C8orf34: variants seen among roughly 807,000 people sequenced by gnomAD.
C8orf34 encodes the protein uncharacterized protein C8orf34.
In C8orf34, 65 loss-of-function variants were observed where a neutral mutation model predicts 68.3. The ratio of observed to expected loss-of-function variants is 0.95; its 90% CI spans 0.78 to 1.17. The LOEUF (loss-of-function observed/expected upper bound fraction) is 1.17. Ranked by LOEUF, C8orf34 falls within the 50% of genes most tolerant of loss-of-function variation. The probability of loss-of-function intolerance (pLI) is 0.00; values close to 1 mark genes in which losing one functional copy is unlikely to be tolerated. For synonymous variants in C8orf34, 244 were observed against 241.2 expected (o/e 1.01, Z -0.11); for missense variants, 664 against 655.4 (o/e 1.01, Z -0.14).
chr8:68,611,226 G>A (rs548207749), intron 7 of C8orf34, among the ~76,000 whole-genome samples: 15 of 152,102 alleles, frequency 9.9e-5, no homozygotes, highest in East Asian at 3.9e-4. Flanking sequence ...TAGGGAAATC[G>A]TATGAGCAAA....
chr8:68,578,090 A>G (rs1173778715), intron 7 of C8orf34, among the ~76,000 whole-genome samples: 1 of 151,982 alleles, frequency 6.6e-6, no homozygotes, highest in African/African-American at 2.4e-5. Flanking sequence ...AAAATAAAGG[A>G]AGGAAGAAGG....
chr8:68,670,679 CTTGTGAAGAAGGCAT>C (rs1415433070), intron 8 of C8orf34, among the ~76,000 whole-genome samples: 1 of 152,160 alleles, frequency 6.6e-6, no homozygotes, highest in African/African-American at 2.4e-5. Flanking sequence ...TTCCCTCTCC[CTTGTGAAGAAGGCAT>C]TCAACCCTCA....
intron 11 of C8orf34, among the ~76,000 whole-genome samples, 196 bp from the exon 12 acceptor site, chr8:68,787,247 T>TA (rs1384003918): frequency 6.6e-6 from 1 of 152,168 alleles, no homozygotes; most frequent in Non-Finnish European, 1.5e-5. Context: ...AAGAAGAATG[T>TA]AAAAAATGAG....
intron 8 of C8orf34, among the ~76,000 whole-genome samples, chr8:68,670,852 G>A (rs992102375): frequency 7.2e-5 from 11 of 152,192 alleles, no homozygotes; most frequent in African/African-American, 2.6e-4. Context: ...CTTTCACCCT[G>A]CCCCTAAGGC....
At chr8:68,620,233 G>A (rs1269229387) in intron 7 of C8orf34, among the ~76,000 whole-genome samples, 1 of 152,164 alleles carries the variant, frequency 6.6e-6, no homozygotes, top group Non-Finnish European at 1.5e-5. Flanking sequence ...GGGACCTGGA[G>A]GATAACTGGA....
chr8:68,789,488 T>C lies in C8orf34; in HGVS notation c.1549+1952T>C, dbSNP rs547711794. Among the ~76,000 whole-genome samples the C allele has an allele frequency of 5.2e-4, 79 of 152,360 alleles. 1 individual carries two copies. The highest frequency in any genetic ancestry group is 1.9e-3 in the African/African-American group (78 of 41,590). On this transcript the variant is annotated intron_variant, in intron 12 of 13. Transcript: ENST00000518698. ...AAGAGTAGAAAACATAGCCTAATCA[T>C]GTAAAGGATATGCAAATCCCCAGAA...
Position 68,545,087 on chromosome 8 carries a change from T to C in C8orf34, c.1105+11938T>C, listed in dbSNP as rs561129680. Among the ~76,000 whole-genome samples the C allele has an allele frequency of 1.5e-4, 23 of 152,290 alleles. No homozygotes were observed. The East Asian group carries it at 4.4e-3, about 29-fold the overall frequency. ...TAGCCATATTGATATGGTTTGGCTG[T>C]GTCCCCAACCAAATCTCAACTTGAA... On this transcript the variant is annotated intron_variant, in intron 7 of 13. Transcript: ENST00000518698.
intron 1 of C8orf34, among the ~76,000 whole-genome samples, chr8:68,370,595 A>G (rs1204233286): frequency 1.3e-5 from 2 of 152,152 alleles, no homozygotes; most frequent in Non-Finnish European, 2.9e-5. Flanking sequence ...TGTGCACATG[A>G]TAAATTCACT....
At chr8:68,677,483 C>T (rs1820228119) in intron 8 of C8orf34, among the ~76,000 whole-genome samples, 1 of 152,056 alleles carries the variant, frequency 6.6e-6, no homozygotes, top group Admixed American at 6.6e-5. Context: ...CTCAGCTTTC[C>T]AAGTAACTGA....
chr8:68,777,138 T>C (rs556489014), intron 11 of C8orf34, among the ~76,000 whole-genome samples: 5 of 152,302 alleles, frequency 3.3e-5, no homozygotes, highest in Non-Finnish European at 7.3e-5. Flanking sequence ...AACAGTTTGG[T>C]GATGTTAAGA....
rs564273715 is a variant in C8orf34, at chr8:68,479,243, G to A, written c.737-8780G>A. On this transcript the variant is annotated intron_variant, in intron 4 of 13. Coordinates refer to ENST00000518698, the MANE Select transcript of C8orf34 (RefSeq NM_052958.4). ...GGAATGGACAGCAGTGAAGAGAGAT[G>A]AGGAGTAGAGAAAGGAGGAGTACGT... is the stretch of plus-strand genomic sequence containing the variant. Among the ~76,000 whole-genome samples the A allele has an allele frequency of 2.6e-5, 4 of 152,228 alleles. No individual in the cohort carries two copies. The South Asian group carries it at 6.2e-4, about 24-fold the overall frequency.
chr8:68,445,163 G>T (rs1811069568), intron 2 of C8orf34, among the ~76,000 whole-genome samples: 1 of 152,136 alleles, frequency 6.6e-6, no homozygotes, highest in African/African-American at 2.4e-5. Flanking sequence ...GGATTTTGGA[G>T]GTGGACAAAT....
chr8:68,460,180 G>A (rs568990484), intron 3 of C8orf34, among the ~76,000 whole-genome samples: 12 of 152,268 alleles, frequency 7.9e-5, no homozygotes, highest in East Asian at 7.7e-4. Context: ...ACGGAGTCTC[G>A]CTGATTGCTA....
At chr8:68,330,563 G>T (rs755027624), upstream of C8orf34, among the ~76,000 whole-genome samples, 12 of 152,164 alleles carry the variant, frequency 7.9e-5, no homozygotes, top group Non-Finnish European at 1.5e-4. Flanking sequence ...CTGAGGAGAG[G>T]CTCAGAAGGG....
At chr8:68,367,823 G>A (rs561279367) in intron 1 of C8orf34, among the ~76,000 whole-genome samples, 36 of 129,566 alleles carry the variant, frequency 2.8e-4, no homozygotes, top group South Asian at 1.1e-3. Flanking sequence ...TGGGTGCAGC[G>A]CACCAGCATG....
At chr8:68,785,289 C>T (rs2953956) in intron 11 of C8orf34, among the ~76,000 whole-genome samples, 70,149 of 151,654 alleles carry the variant, frequency 0.46, 18,708 homozygotes, top group African/African-American at 0.74. Flanking sequence ...AAGGTAAACA[C>T]AAATTCATAC....
chr8:68,578,642 CTA>C lies in C8orf34; in HGVS notation c.1105+45507_1105+45508del, dbSNP rs545258846. On this transcript the variant is annotated intron_variant, in intron 7 of 13. Transcript: ENST00000518698. ...TCTATAGTTCATTGCAGATTAAATA[CTA>C]TATATATATATATTTCAATATTGAT... Among the ~76,000 whole-genome samples, 20 of 148,766 alleles carry C rather than the reference CTA, an allele frequency of 1.3e-4. 2 individuals carry two copies. Among genetic ancestry groups the C allele is most frequent in the African/African-American group, 4.0e-4 (16 of 39,690 alleles).
At chr8:68,500,200 T>C (rs1813706413) in intron 5 of C8orf34, among the ~76,000 whole-genome samples, 1 of 152,138 alleles carries the variant, frequency 6.6e-6, no homozygotes, top group Non-Finnish European at 1.5e-5. Context: ...GTAACAAAAA[T>C]GGCCTAACAG....
chr8:68,358,839 A>G (rs768204385), intron 1 of C8orf34, among the ~76,000 whole-genome samples: 1 of 151,632 alleles, frequency 6.6e-6, no homozygotes, highest in Non-Finnish European at 1.5e-5. Context: ...CTGAGTGTAC[A>G]GGTGTGCGCC....
Sources: allele counts gnomAD v4.1 joint callset (sites outside exome capture counted in the v4.1 genomes callset), GRCh38; gene constraint gnomAD v4.1.1; transcripts MANE v1.5; gene names NCBI Gene and HGNC (gene_info 2026-07-23, HGNC 2026-07-21).